SNTG2: variants seen among roughly 807,000 people sequenced by gnomAD.
The protein encoded by SNTG2 is syntrophin gamma 2, also known as gamma-2-syntrophin.
A neutral mutation model predicts 70.9 loss-of-function variants in SNTG2; 74 were observed. That is an observed-to-expected ratio of 1.04 (90% CI 0.86 to 1.27). The LOEUF is 1.27. Ranked by LOEUF, SNTG2 falls within the 50% of genes most tolerant of loss-of-function variation. The pLI, the probability that SNTG2 is intolerant of heterozygous loss-of-function variation, is 0.00. For missense variants in SNTG2, 717 were observed against 690.7 expected (o/e 1.04, Z -0.43); for synonymous variants, 278 against 273.8 (o/e 1.02, Z -0.15).
chr2:1,073,488 C>G (rs1663710852), intron 1 of SNTG2, among the ~76,000 whole-genome samples: 1 of 152,176 alleles, frequency 6.6e-6, no homozygotes, highest in African/African-American at 2.4e-5. Context: ...ATACGTAATG[C>G]TATTCCACAC....
intron 16 of SNTG2, among the ~76,000 whole-genome samples, chr2:1,336,503 C>T (rs1285298770): frequency 6.6e-6 from 1 of 152,128 alleles, no homozygotes. Context: ...ATCGCTTATG[C>T]CTTTGGAATC....
At chr2:1,364,909 C>A (rs1661398036) in intron 16 of SNTG2, among the ~76,000 whole-genome samples, 1 of 151,476 alleles carries the variant, frequency 6.6e-6, no homozygotes, top group Non-Finnish European at 1.5e-5. Context: ...GATTCCGTCT[C>A]AAAAAAAATA....
intron 15 of SNTG2, 35 bp from the exon 16 acceptor site, chr2:1,316,230 T>A: frequency 9.3e-7 from 1 of 1,073,224 alleles, no homozygotes. Context: ...TGAGCTCTTG[T>A]TTAGAAATCG....
At chr2:1,138,634 G>A (rs1464392999) in intron 6 of SNTG2, among the ~76,000 whole-genome samples, 6 of 152,130 alleles carry the variant, frequency 3.9e-5, no homozygotes, top group Non-Finnish European at 8.8e-5. Flanking sequence ...GGGTCAAGGG[G>A]AGAGGCAGTG....
chr2:1,090,013 A>G (rs1314644610), intron 2 of SNTG2, among the ~76,000 whole-genome samples: 2 of 152,128 alleles, frequency 1.3e-5, no homozygotes, highest in South Asian at 2.1e-4. Flanking sequence ...TTCCATTTAC[A>G]TTTTTAAATT....
At chr2:1,000,544 A>C (rs1369924943) in intron 1 of SNTG2, among the ~76,000 whole-genome samples, 1 of 151,878 alleles carries the variant, frequency 6.6e-6, no homozygotes, top group Non-Finnish European at 1.5e-5. Flanking sequence ...AATTCTTGGA[A>C]ATATACAACC....
At chr2:1,021,080 A>G (rs1053075189) in intron 1 of SNTG2, among the ~76,000 whole-genome samples, 2 of 152,076 alleles carry the variant, frequency 1.3e-5, no homozygotes, top group African/African-American at 4.8e-5. Context: ...TCTCTCTTGA[A>G]TCGCCAATTT....
rs578130650 is a variant in SNTG2, at chr2:1,253,594, C to T, written c.1006-5776C>T. ...CTAAAAGGTAAAGTCCTTCTTTGAA[C>T]GGTGGCTTTTGATCTCGTTCAAGAT... On this transcript the variant is annotated intron_variant, in intron 12 of 16. Transcript: ENST00000308624. 8.5e-5 allele frequency among the ~76,000 whole-genome samples: 13 copies of T among 152,256 alleles called. No individual in the cohort carries two copies. The South Asian group carries it at 1.2e-3, about 15-fold the overall frequency.
At chr2:1,189,278 C>A (rs1351996977) in intron 8 of SNTG2, among the ~76,000 whole-genome samples, 1 of 152,088 alleles carries the variant, frequency 6.6e-6, no homozygotes, top group East Asian at 1.9e-4. Flanking sequence ...AGAAAAACCT[C>A]AATATCCTAA....
intron 1 of SNTG2, among the ~76,000 whole-genome samples, chr2:996,395 T>C (rs1174849649): frequency 6.6e-6 from 1 of 152,150 alleles, no homozygotes. Flanking sequence ...TTGTGCTTGT[T>C]CCTGAGCCTA....
intron 6 of SNTG2, among the ~76,000 whole-genome samples, chr2:1,143,580 G>A (rs1668892380): frequency 6.6e-6 from 1 of 151,526 alleles, no homozygotes; most frequent in South Asian, 2.1e-4. Flanking sequence ...TCGAAAATAT[G>A]ATATTTGGCC....
At chr2:1,201,808 T>C (rs1470288292) in intron 8 of SNTG2, among the ~76,000 whole-genome samples, 2 of 151,926 alleles carry the variant, frequency 1.3e-5, no homozygotes, top group Non-Finnish European at 2.9e-5. Flanking sequence ...CAGAGACTTG[T>C]GGGACACCTC....
chr2:1,317,611 A>G (rs113096355), intron 16 of SNTG2, among the ~76,000 whole-genome samples: 1 of 72,638 alleles, frequency 1.4e-5, no homozygotes, highest in Admixed American at 1.6e-4. Context: ...GGGATTCTGG[A>G]GCATTTAGCA....
chr2:1,339,262 A>G (rs1558217742), intron 16 of SNTG2, among the ~76,000 whole-genome samples: 1 of 152,208 alleles, frequency 6.6e-6, no homozygotes, highest in East Asian at 1.9e-4. Flanking sequence ...TCTGGACATT[A>G]AATCCTTCTA....
chr2:1,003,238 A>G (rs140884475), intron 1 of SNTG2, among the ~76,000 whole-genome samples: 1 of 152,350 alleles, frequency 6.6e-6, no homozygotes, highest in Admixed American at 6.5e-5. Context: ...CCCTAAATCT[A>G]TAAAAATAAT....
intron 16 of SNTG2, among the ~76,000 whole-genome samples, chr2:1,355,651 A>G (rs1434450930): frequency 2.0e-5 from 3 of 152,136 alleles, no homozygotes; most frequent in Non-Finnish European, 4.4e-5. Context: ...TGAACAGGGG[A>G]GTGCAGGTCT....
intron 6 of SNTG2, among the ~76,000 whole-genome samples, chr2:1,144,993 A>C (rs1456817241): frequency 1.3e-5 from 2 of 152,254 alleles, no homozygotes; most frequent in African/African-American, 4.8e-5. Flanking sequence ...CAAAGAAGAA[A>C]TCTCAATAGA....
intron 14 of SNTG2, among the ~76,000 whole-genome samples, chr2:1,301,532 A>G (rs977817025): frequency 1.8e-4 from 28 of 152,212 alleles, no homozygotes; most frequent in African/African-American, 6.8e-4. Flanking sequence ...CCATACCCAG[A>G]TCCTTACAAT....
chr2:1,012,911 A>G (rs1255675330), intron 1 of SNTG2, among the ~76,000 whole-genome samples: 21 of 44,788 alleles, frequency 4.7e-4, no homozygotes, highest in Non-Finnish European at 5.3e-4. Context: ...GGTCTGGAGA[A>G]GGATTTATAT....
Sources: allele counts gnomAD v4.1 joint callset (sites outside exome capture counted in the v4.1 genomes callset), GRCh38; gene constraint gnomAD v4.1.1; transcripts MANE v1.5; gene names NCBI Gene and HGNC (gene_info 2026-07-23, HGNC 2026-07-21).